KCNK13: variants seen among roughly 807,000 people sequenced by gnomAD.
KCNK13 encodes potassium two pore domain channel subfamily K member 13, also known as potassium channel subfamily K member 13.
Under a neutral mutation model 23.4 loss-of-function variants are expected in KCNK13, and 12 were observed. That is an observed-to-expected ratio of 0.51 (90% CI 0.33 to 0.83). The LOEUF is 0.83. KCNK13 is among the 40% of genes least tolerant of loss of function. The pLI is 0.02. For synonymous variants in KCNK13, 231 were observed against 229.5 expected, an observed-to-expected ratio of 1.01 and a Z score of -0.06; for missense variants, 463 against 556.3, an observed-to-expected ratio of 0.83 and a Z score of 1.69.
chr14:90,099,670 TA>T, intron 1 of KCNK13, among the ~76,000 whole-genome samples: 1 of 152,272 alleles, frequency 6.6e-6, no homozygotes, highest in Admixed American at 6.5e-5. Context: ...ATTGCACAGC[TA>T]AGTAAACCCT....
At chr14:90,075,550 C>T (rs1345767514) in intron 1 of KCNK13, among the ~76,000 whole-genome samples, 1 of 152,144 alleles carries the variant, frequency 6.6e-6, no homozygotes, top group Non-Finnish European at 1.5e-5. Flanking sequence ...ACAATTTCGG[C>T]TCACTGCAAT....
chr14:90,132,197 G>A (rs1311136564), intron 1 of KCNK13, among the ~76,000 whole-genome samples: 1 of 152,246 alleles, frequency 6.6e-6, no homozygotes, highest in Non-Finnish European at 1.5e-5. Flanking sequence ...GACAAAGAGT[G>A]TGTAATTCCA....
intron 1 of KCNK13, among the ~76,000 whole-genome samples, chr14:90,132,744 G>A (rs951688568): frequency 4.6e-5 from 7 of 151,896 alleles, no homozygotes; most frequent in Non-Finnish European, 1.0e-4. Flanking sequence ...TAGATAAGAT[G>A]GTAAGTTTCA....
At chr14:90,126,297 G>C (rs1889798826) in intron 1 of KCNK13, among the ~76,000 whole-genome samples, 2 of 151,978 alleles carry the variant, frequency 1.3e-5, no homozygotes, top group African/African-American at 2.4e-5. Context: ...CTTCCAAAAA[G>C]CACAATATGG....
At chr14:90,171,513 C>T (rs775402881) in intron 1 of KCNK13, among the ~76,000 whole-genome samples, 1 of 152,210 alleles carries the variant, frequency 6.6e-6, no homozygotes, top group African/African-American at 2.4e-5. Context: ...GTTGAAGACA[C>T]GTGCCTGTGA....
intron 1 of KCNK13, among the ~76,000 whole-genome samples, chr14:90,090,091 GCTGTAAGAAGAAAGCCA>G: frequency 6.6e-6 from 1 of 152,348 alleles, no homozygotes; most frequent in African/African-American, 2.4e-5. Context: ...ACATAGCAGA[GCTGTAAGAAGAAAGCCA>G]CTATCCTCCA....
chr14:90,089,752 G>T (rs1008826127), intron 1 of KCNK13, among the ~76,000 whole-genome samples: 3 of 152,214 alleles, frequency 2.0e-5, no homozygotes, highest in Non-Finnish European at 2.9e-5. Flanking sequence ...GCTGTGTGCA[G>T]TCTAGGGATT....
chr14:90,076,195 C>T (rs1400093185), intron 1 of KCNK13, among the ~76,000 whole-genome samples: 1 of 152,210 alleles, frequency 6.6e-6, no homozygotes, highest in Non-Finnish European at 1.5e-5. Flanking sequence ...TTGCATTGGG[C>T]TGCATGTAGT....
chr14:90,171,004 C>T (rs968079012), intron 1 of KCNK13, among the ~76,000 whole-genome samples: 2 of 152,284 alleles, frequency 1.3e-5, no homozygotes, highest in South Asian at 2.1e-4. Context: ...GCAGGTTTGC[C>T]GGACCCAGTT....
Position 90,062,244 on chromosome 14 carries a change from G to A in KCNK13, c.39G>A (p.Leu13=). The A allele has an allele frequency of 6.6e-7, 1 of 1,513,778 alleles. No individual in the cohort carries two copies. The highest frequency in any genetic ancestry group is 8.8e-7 in the Non-Finnish European group (1 of 1,136,900). 93.8% of individuals were successfully genotyped at this position (1,513,778 alleles called of 1,614,324 possible). The change falls in exon 1 of 2, where the codon CTG becomes CTA. Residue 13 remains leucine, a synonymous_variant. Coordinates refer to ENST00000282146, the MANE Select transcript of KCNK13 (RefSeq NM_022054.4). The surrounding 1 kb of genome is among the most constrained non-coding windows in gnomAD (Gnocchi z 4.5). ...GRGFSWGPGH[L]NEDNARFLLL... ...GTTTCAGCTGGGGCCCGGGCCACCT[G>A]AACGAGGACAACGCGCGCTTTCTGC...
chr14:90,096,453 G>A (rs1435609205), intron 1 of KCNK13, among the ~76,000 whole-genome samples: 2 of 152,210 alleles, frequency 1.3e-5, no homozygotes, highest in African/African-American at 4.8e-5. Flanking sequence ...ATCACAGGTG[G>A]TGAGATGCCT....
chr14:90,182,552 T>C (rs1238272120), intron 1 of KCNK13, among the ~76,000 whole-genome samples: 1 of 152,164 alleles, frequency 6.6e-6, no homozygotes, highest in Non-Finnish European at 1.5e-5. Flanking sequence ...TTGGGTATGG[T>C]GGCTTATGCC....
intron 1 of KCNK13, among the ~76,000 whole-genome samples, chr14:90,182,007 T>C (rs1890493182): frequency 6.6e-6 from 1 of 152,058 alleles, no homozygotes; most frequent in South Asian, 2.1e-4. Context: ...TTTTGAAGAG[T>C]TCCCAGAGAA....
At chr14:90,110,245 C>T (rs1010472904) in intron 1 of KCNK13, among the ~76,000 whole-genome samples, 1 of 152,152 alleles carries the variant, frequency 6.6e-6, no homozygotes, top group African/African-American at 2.4e-5. Context: ...GGTGCGGTGG[C>T]TCATGCCTGT....
At position 90,160,617 on chromosome 14, in the gene KCNK13, TG is replaced by T. The variant is rs1890242355; in HGVS notation, c.335-23492del. On this transcript the variant is annotated intron_variant, in intron 1 of 1. Transcript: ENST00000282146. ...CAGCACTTTGAGAGGCCAAGGCGGG[TG>T]GATCACCTGAGGTCAGGAGTTCAAG... 2.0e-5 allele frequency among the ~76,000 whole-genome samples: 3 copies of T among 151,862 alleles called. No homozygotes were observed. In the South Asian group the frequency reaches 6.2e-4, roughly 32 times the overall value.
chr14:90,091,928 CT>C (rs753251792), intron 1 of KCNK13, among the ~76,000 whole-genome samples: 331 of 135,606 alleles, frequency 2.4e-3, no homozygotes, highest in Middle Eastern at 0.011. Flanking sequence ...AAGAGAACTC[CT>C]TTTTTTTTTT....
At chr14:90,095,055 G>A (rs1456680056) in intron 1 of KCNK13, among the ~76,000 whole-genome samples, 3 of 152,126 alleles carry the variant, frequency 2.0e-5, no homozygotes, top group Non-Finnish European at 4.4e-5. Flanking sequence ...AATGGATTAC[G>A]TGTTATCCCA....
In KCNK13 at chr14:90,140,456, A is replaced by T. The variant is rs1002718800; in HGVS notation, c.335-43655A>T. Among the ~76,000 whole-genome samples the T allele has an allele frequency of 2.6e-5, 4 of 152,172 alleles. No homozygotes were observed. The East Asian group carries it at 7.7e-4, about 29-fold the overall frequency. On this transcript the variant is annotated intron_variant, in intron 1 of 1. Transcript: ENST00000282146. ...TACTGGGGGAAGAGGGAACAAAGGA[A>T]TGGTGCTATTAACTGTTCAACATTG...
intron 1 of KCNK13, among the ~76,000 whole-genome samples, chr14:90,072,361 G>C (rs752848941): frequency 6.6e-6 from 1 of 152,176 alleles, no homozygotes; most frequent in African/African-American, 2.4e-5. Flanking sequence ...TGAGTGTAAC[G>C]GGGTGTAGGA....
Sources: allele counts gnomAD v4.1 joint callset (sites outside exome capture counted in the v4.1 genomes callset), GRCh38; gene constraint gnomAD v4.1.1; non-coding constraint Gnocchi (gnomAD v3.1); transcripts MANE v1.5; gene names NCBI Gene and HGNC (gene_info 2026-07-23, HGNC 2026-07-21).